GREM1: variants seen among roughly 807,000 people sequenced by gnomAD.
GREM1 encodes the protein gremlin 1, DAN family BMP antagonist.
A neutral mutation model predicts 13.1 loss-of-function variants in GREM1; 6 were observed. The ratio of observed to expected loss-of-function variants is 0.46; its 90% CI spans 0.25 to 0.91. The LOEUF (loss-of-function observed/expected upper bound fraction) is 0.91, where lower values mean the gene tolerates loss of function less well. Ranked by LOEUF, GREM1 falls within the 40% of genes least tolerant of loss-of-function variation. GREM1 has a pLI of 0.18. For missense variants in GREM1, 185 were observed against 233.9 expected (o/e 0.79, Z 1.36); for synonymous variants, 98 against 93.7 (o/e 1.05, Z -0.27).
rs1332792711 is a variant in GREM1, at chr15:32,741,835, G to A, written c.*10590G>A. On this transcript the variant is annotated 3_prime_UTR_variant, in exon 2 of 2. Transcript: ENST00000651154. Reference sequence around the variant, plus strand: ...TAAAAATATATATGACCTTTATTAGGTTGAGGTACTTTTCCTCTATTCTTA... The same window carrying A: ...TAAAAATATATATGACCTTTATTAGATTGAGGTACTTTTCCTCTATTCTTA... 1.3e-5 allele frequency: 2 copies of A among 152,068 alleles called. No individual in the cohort carries two copies. Among genetic ancestry groups the A allele is most frequent in the South Asian group, 2.1e-4 (1 of 4,822 alleles). The allele number at this position is 152,068 out of a possible 1,614,324, so 9.4% of individuals were successfully genotyped here.
intron 1 of GREM1, among the ~76,000 whole-genome samples, chr15:32,725,429 GTCT>G (rs1444938968): frequency 6.6e-6 from 1 of 152,150 alleles, no homozygotes; most frequent in Non-Finnish European, 1.5e-5. Context: ...CCCCATAAAT[GTCT>G]TCTTTTGAGA....
chr15:32,723,568 A>G (rs1423837667), intron 1 of GREM1, among the ~76,000 whole-genome samples: 1 of 152,142 alleles, frequency 6.6e-6, no homozygotes, highest in Non-Finnish European at 1.5e-5. Flanking sequence ...AAAAAATGAA[A>G]AAACATTTCA....
chr15:32,730,782 G>T lies in GREM1; in HGVS notation c.92G>T (p.Gly31Val). ...AAEGKKKGSQ[G>V]AIPPPDKAQH... ...GAAGGGAAAAAGAAAGGGTCCCAAG[G>T]TGCCATCCCCCCGCCAGACAAGGCC... The change falls in exon 2 of 2, where the codon GGT (glycine) becomes GTT (valine). Residue 31 changes from glycine to valine, a missense_variant. Physicochemically the swap from Gly to Val is moderately radical, Grantham distance 109. Coordinates refer to ENST00000651154, the MANE Select transcript of GREM1 (RefSeq NM_013372.7). The T allele has an allele frequency of 6.2e-7, 1 of 1,613,656 alleles. No individual in the cohort carries two copies. Among genetic ancestry groups the T allele is most frequent in the Non-Finnish European group, 8.5e-7 (1 of 1,179,950 alleles).
chr15:32,729,117 G>A (rs1006749092), intron 1 of GREM1, among the ~76,000 whole-genome samples: 8 of 151,616 alleles, frequency 5.3e-5, no homozygotes, highest in Non-Finnish European at 1.2e-4. Context: ...TCTGACTCCC[G>A]GGTTCACGCC....
intron 1 of GREM1, among the ~76,000 whole-genome samples, chr15:32,724,525 T>C (rs1232073379): frequency 6.6e-6 from 1 of 152,222 alleles, no homozygotes; most frequent in Non-Finnish European, 1.5e-5. Flanking sequence ...TCACACTATA[T>C]TTTGAGACCA....
chr15:32,730,717 A>G lies in GREM1; in HGVS notation c.27A>G (p.Gly9=). 6.4e-7 allele frequency: 1 copy of G among 1,573,766 alleles called. No individual in the cohort carries two copies. The highest frequency in any genetic ancestry group is 8.6e-7 in the Non-Finnish European group (1 of 1,163,914). Residue 9 remains glycine (G), a synonymous_variant, in exon 2 of 2, where the codon GGA becomes GGG. Coordinates refer to ENST00000651154, the MANE Select transcript of GREM1 (RefSeq NM_013372.7). MSRTAYTV[G]ALLLLLGTLL... is the part of the protein sequence containing the mutation. ...TGAGCCGCACAGCCTACACGGTGGG[A>G]GCCCTGCTTCTCCTCTTGGGGACCC...
rs879253597 is a variant in GREM1 at position 32,731,871 on chromosome 15, C to T, written c.*626C>T. Reference sequence around the variant, plus strand: ...AGACTCTGGGAGAGGCTGGTGTGGGCAAGGACAAGCAGGATAGTGGAGTGA... The same window carrying T: ...AGACTCTGGGAGAGGCTGGTGTGGGTAAGGACAAGCAGGATAGTGGAGTGA... On this transcript the variant is annotated 3_prime_UTR_variant, in exon 2 of 2. Transcript: ENST00000651154. 25 of 231,294 alleles carry T rather than the reference C, an allele frequency of 1.1e-4. No homozygotes were observed. The East Asian group carries it at 1.6e-3, about 15-fold the overall frequency. The allele number at this position is 231,294 out of a possible 1,614,324, so 14.3% of individuals were successfully genotyped here.
At chr15:32,718,731 C>G (rs939508360) in intron 1 of GREM1, 1 of 337,438 alleles carries the variant, frequency 3.0e-6, no homozygotes, top group Non-Finnish European at 5.9e-6. Flanking sequence ...AGGGCAGAGC[C>G]GCTGTGTTCA....
chr15:32,731,808 C>A lies in GREM1; in HGVS notation c.*563C>A, dbSNP rs574200489. 7 of 234,546 alleles carry A rather than the reference C, an allele frequency of 3.0e-5. No individual in the cohort carries two copies. The highest frequency in any genetic ancestry group is 1.8e-4 in the South Asian group (1 of 5,428). The allele number at this position is 234,546 out of a possible 1,614,324, so 14.5% of individuals were successfully genotyped here. ...AAGGTTCCTAAATTAATTCACTTAACCATGATGCAAATGTTTTTCATTTTG... is the reference window on the plus strand; with the variant it reads ...AAGGTTCCTAAATTAATTCACTTAAACATGATGCAAATGTTTTTCATTTTG... On this transcript the variant is annotated 3_prime_UTR_variant, in exon 2 of 2. Transcript: ENST00000651154.
chr15:32,725,387 C>T (rs1188421562), intron 1 of GREM1, among the ~76,000 whole-genome samples: 3 of 152,066 alleles, frequency 2.0e-5, no homozygotes, highest in Non-Finnish European at 2.9e-5. Flanking sequence ...TAATGACCAC[C>T]GATGATGAGC....
In GREM1 at chr15:32,736,058, A is replaced by G. The variant is rs1300823581; in HGVS notation, c.*4813A>G. Reference sequence around the variant, plus strand: ...TTGAAACCAACAGCCTGCAATTACCATGAAAATCAGCAGTCTGGCAGCCAC... The same window carrying G: ...TTGAAACCAACAGCCTGCAATTACCGTGAAAATCAGCAGTCTGGCAGCCAC... On this transcript the variant is annotated 3_prime_UTR_variant, in exon 2 of 2. Coordinates refer to ENST00000651154, the MANE Select transcript of GREM1 (RefSeq NM_013372.7). 3 of 152,210 alleles carry G rather than the reference A, an allele frequency of 2.0e-5. No homozygotes were observed. The highest frequency in any genetic ancestry group is 4.4e-5 in the Non-Finnish European group (3 of 68,042). 9.4% of individuals were successfully genotyped at this position (152,210 alleles called of 1,614,324 possible).
At chr15:32,729,740 C>T (rs568480210) in intron 1 of GREM1, among the ~76,000 whole-genome samples, 51 of 152,316 alleles carry the variant, frequency 3.3e-4, no homozygotes, top group African/African-American at 9.6e-4. Context: ...AATATTTGCA[C>T]ATACTTGTTC....
rs2055665219 is a variant in GREM1, at chr15:32,734,037, GT to G, written c.*2796del. On this transcript the variant is annotated 3_prime_UTR_variant, in exon 2 of 2. Coordinates refer to ENST00000651154, the MANE Select transcript of GREM1 (RefSeq NM_013372.7). ...CTTTGGTCACTGTGATTTCAAGCAT[GT>G]TTTCTTTTTCTCCTTTATATGACTT... 4.1e-6 allele frequency: 1 copy of G among 242,576 alleles called. No homozygotes were observed. The highest frequency in any genetic ancestry group is 1.8e-4 in the South Asian group (1 of 5,480). 15.0% of individuals were successfully genotyped at this position (242,576 alleles called of 1,614,324 possible). A position where few individuals can be genotyped will look rare whatever the true frequency, so the allele number is the denominator to read the frequency against.
chr15:32,728,245 A>C (rs2055549023), intron 1 of GREM1, among the ~76,000 whole-genome samples: 1 of 152,254 alleles, frequency 6.6e-6, no homozygotes. Flanking sequence ...CTATACTACA[A>C]GGCTACAGTA....
At chr15:32,724,252 A>C (rs1479270691) in intron 1 of GREM1, among the ~76,000 whole-genome samples, 2 of 152,246 alleles carry the variant, frequency 1.3e-5, no homozygotes, top group Non-Finnish European at 2.9e-5. Context: ...AATCGGCCTT[A>C]TGAGGTAAAC....
rs148065047 is a variant in GREM1, at chr15:32,721,158, AAAAAC to A, written c.-2+3011_-2+3015del. Among the ~76,000 whole-genome samples, 2,343 of 152,104 alleles carry A rather than the reference AAAAAC, an allele frequency of 0.015. 110 individuals carry two copies. In the East Asian group the frequency reaches 0.2, roughly 13 times the overall value. On this transcript the variant is annotated intron_variant, in intron 1 of 1. Transcript: ENST00000651154. ...GCAACACGAGTGAAAACTCCGTCAA[AAAAAC>A]AAAACAAAACAAACAAACAAAAAAA...
At chr15:32,718,845 CACACGCGCTCGCGGACCGG>C (rs1468415690) in intron 1 of GREM1, 1 of 225,524 alleles carries the variant, frequency 4.4e-6, no homozygotes, top group African/African-American at 2.3e-5. Flanking sequence ...AGGCAGACAC[CACACGCGCTCGCGGACCGG>C]CCACGCACTC....
chr15:32,722,586 C>T (rs1485148103), intron 1 of GREM1, among the ~76,000 whole-genome samples: 3 of 152,124 alleles, frequency 2.0e-5, no homozygotes, highest in African/African-American at 7.2e-5. Context: ...ATATTGTGTT[C>T]CTAGAGGCTT....
rs575029767 is a variant in GREM1, at chr15:32,727,994, A to T, written c.-1-2696A>T. On this transcript the variant is annotated intron_variant, in intron 1 of 1. Coordinates refer to ENST00000651154, the MANE Select transcript of GREM1 (RefSeq NM_013372.7). The stretch of plus-strand genomic sequence containing the variant: ...CTCAAGGTAATAAGAGAGGACACAA[A>T]CAAATGGAAAAACATTCCATGCTCA... Among the ~76,000 whole-genome samples the T allele has an allele frequency of 9.8e-5, 15 of 152,358 alleles. No homozygotes were observed. The East Asian group carries it at 2.9e-3, about 29-fold the overall frequency.
Sources: allele counts gnomAD v4.1 joint callset (sites outside exome capture counted in the v4.1 genomes callset), GRCh38; gene constraint gnomAD v4.1.1; transcripts MANE v1.5; gene names NCBI Gene and HGNC (gene_info 2026-07-23, HGNC 2026-07-21).